The following MBOAT2 variants were observed in gnomAD, a reference collection of about 807,000 sequenced individuals.
MBOAT2 encodes membrane bound glycerophospholipid O-acyltransferase 2.
A neutral mutation model predicts 63.4 loss-of-function variants in MBOAT2; 28 were observed. The ratio of observed to expected loss-of-function variants is 0.44; its 90% CI spans 0.33 to 0.61. The LOEUF is 0.61. Ranked by LOEUF, MBOAT2 falls within the 20% of genes least tolerant of loss-of-function variation. The probability of loss-of-function intolerance (pLI) is 0.03; values close to 1 mark genes in which losing one functional copy is unlikely to be tolerated. For missense variants in MBOAT2, 470 were observed against 605.8 expected (o/e 0.78, Z 2.35); for synonymous variants, 211 against 215.6 (o/e 0.98, Z 0.19).
chr2:8,899,019 T>A (rs1664709085), intron 4 of MBOAT2, among the ~76,000 whole-genome samples: 1 of 152,204 alleles, frequency 6.6e-6, no homozygotes, highest in Non-Finnish European at 1.5e-5. Context: ...CTTTGAAACG[T>A]TTAACAATAT....
chr2:8,874,165 G>T lies in MBOAT2; in HGVS notation c.691-865C>A, dbSNP rs183503054. ...ACATTTTAACACTTTATATAATAGTGCCAGAAGAAAAGCTCCAAGACAAGA... is the reference window on the plus strand; with the variant it reads ...ACATTTTAACACTTTATATAATAGTTCCAGAAGAAAAGCTCCAAGACAAGA... On this transcript the variant is annotated intron_variant, in intron 7 of 12. Transcript: ENST00000305997. Among the ~76,000 whole-genome samples, 10 of 152,264 alleles carry T rather than the reference G, an allele frequency of 6.6e-5. No homozygotes were observed. In the East Asian group the frequency reaches 1.5e-3, roughly 23 times the overall value.
chr2:8,890,530 T>C (rs58198652), intron 4 of MBOAT2, among the ~76,000 whole-genome samples: 1 of 152,140 alleles, frequency 6.6e-6, no homozygotes, highest in Non-Finnish European at 1.5e-5. Context: ...TGTAAAAAAA[T>C]GTCTTTTTCA....
intron 3 of MBOAT2, among the ~76,000 whole-genome samples, chr2:8,925,903 C>T (rs1236739985): frequency 1.3e-5 from 2 of 152,184 alleles, no homozygotes; most frequent in Non-Finnish European, 2.9e-5. Context: ...CCATCAATGA[C>T]ATCTCATATT....
At chr2:8,959,176 C>A (rs1450265015) in intron 1 of MBOAT2, among the ~76,000 whole-genome samples, 2 of 152,318 alleles carry the variant, frequency 1.3e-5, no homozygotes, top group African/African-American at 2.4e-5. Context: ...GCGGCCTAAA[C>A]ATCACCACTG....
chr2:8,860,771 TAAAG>T lies in MBOAT2; in HGVS notation c.1186-11_1186-8del, dbSNP rs755090481. The stretch of plus-strand genomic sequence containing the variant: ...GTCTAAAGTTATTTCTCATCTGAAA[TAAAG>T]AAACAAAAACATTTGCTGTATCTTT... On this transcript the variant is annotated splice_region_variant and splice_polypyrimidine_tract_variant and intron_variant, in intron 11 of 12. Coordinates refer to ENST00000305997, the MANE Select transcript of MBOAT2 (RefSeq NM_138799.4). 10 of 1,554,578 alleles carry T rather than the reference TAAAG, an allele frequency of 6.4e-6. No homozygotes were observed. Among genetic ancestry groups the T allele is most frequent in the African/African-American group, 2.7e-5 (2 of 72,856 alleles).
intron 4 of MBOAT2, among the ~76,000 whole-genome samples, chr2:8,904,229 C>G (rs1291627019): frequency 2.6e-5 from 4 of 152,172 alleles, no homozygotes; most frequent in African/African-American, 9.7e-5. Context: ...CTGCCTCAGC[C>G]TCCCAAAGTG....
chr2:8,998,455 C>T (rs1373624314), intron 1 of MBOAT2, among the ~76,000 whole-genome samples: 2 of 152,100 alleles, frequency 1.3e-5, no homozygotes, highest in African/African-American at 2.4e-5. Flanking sequence ...TAAGAAGGCT[C>T]AATACTGAGA....
chr2:8,936,799 A>AG (rs1466890446), intron 3 of MBOAT2, among the ~76,000 whole-genome samples: 4 of 150,454 alleles, frequency 2.7e-5, no homozygotes, highest in African/African-American at 9.9e-5. Context: ...AAAAAAAAAA[A>AG]AAAAAAGAAA....
intron 1 of MBOAT2, among the ~76,000 whole-genome samples, chr2:8,990,792 A>G (rs1230922638): frequency 6.6e-6 from 1 of 152,186 alleles, no homozygotes; most frequent in African/African-American, 2.4e-5. Flanking sequence ...AGTTTACCAA[A>G]ATTTTCCTTT....
At chr2:8,934,779 T>C (rs916857562) in intron 3 of MBOAT2, among the ~76,000 whole-genome samples, 34 of 152,276 alleles carry the variant, frequency 2.2e-4, no homozygotes, top group African/African-American at 8.2e-4. Context: ...CATGGGATTG[T>C]CCTCAGTGAA....
chr2:8,905,628 G>A (rs1444531465), intron 4 of MBOAT2, among the ~76,000 whole-genome samples: 3 of 152,124 alleles, frequency 2.0e-5, no homozygotes, highest in African/African-American at 7.2e-5. Flanking sequence ...ACATAGGGAG[G>A]GGAACATCAC....
intron 2 of MBOAT2, among the ~76,000 whole-genome samples, chr2:8,956,211 A>G (rs1669213393): frequency 6.6e-6 from 1 of 152,218 alleles, no homozygotes; most frequent in Non-Finnish European, 1.5e-5. Context: ...TCAATAGCAG[A>G]TACGATTGCC....
intron 3 of MBOAT2, among the ~76,000 whole-genome samples, chr2:8,932,850 T>A (rs1667414707): frequency 6.6e-6 from 1 of 152,016 alleles, no homozygotes; most frequent in South Asian, 2.1e-4. Flanking sequence ...TATTAAACCA[T>A]ACTCTTTCTA....
chr2:8,925,704 C>T (rs1666885551), intron 3 of MBOAT2, among the ~76,000 whole-genome samples: 1 of 152,180 alleles, frequency 6.6e-6, no homozygotes, highest in Non-Finnish European at 1.5e-5. Flanking sequence ...CTCACAGTCC[C>T]CATCCTGAGT....
intron 4 of MBOAT2, among the ~76,000 whole-genome samples, chr2:8,893,512 G>C (rs979722231): frequency 5.3e-5 from 8 of 152,216 alleles, no homozygotes; most frequent in African/African-American, 1.9e-4. Context: ...AATAGTATCT[G>C]AGACACAGCA....
intron 3 of MBOAT2, among the ~76,000 whole-genome samples, chr2:8,928,898 C>G (rs1483922152): frequency 6.6e-6 from 1 of 152,134 alleles, no homozygotes; most frequent in Non-Finnish European, 1.5e-5. Flanking sequence ...CACCTCCCTC[C>G]TAAAAAGATC....
intron 1 of MBOAT2, among the ~76,000 whole-genome samples, chr2:8,979,791 A>C (rs1671076057): frequency 2.0e-5 from 3 of 152,156 alleles, no homozygotes; most frequent in African/African-American, 7.2e-5. Flanking sequence ...ATAGATTCTT[A>C]CATAAGGTGT....
chr2:9,000,543 AAAC>A, intron 1 of MBOAT2, among the ~76,000 whole-genome samples: 1 of 152,374 alleles, frequency 6.6e-6, no homozygotes, highest in East Asian at 1.9e-4. Context: ...CTCAAAGAGA[AAAC>A]AACTCAAACT....
intron 1 of MBOAT2, among the ~76,000 whole-genome samples, chr2:8,971,174 A>C (rs1157790423): frequency 6.6e-6 from 1 of 152,238 alleles, no homozygotes; most frequent in Non-Finnish European, 1.5e-5. Flanking sequence ...CACCATGATC[A>C]AGTGGGCTTC....
Sources: allele counts gnomAD v4.1 joint callset (sites outside exome capture counted in the v4.1 genomes callset), GRCh38; gene constraint gnomAD v4.1.1; transcripts MANE v1.5; gene names NCBI Gene and HGNC (gene_info 2026-07-23, HGNC 2026-07-21).